HDAC9: variants seen among roughly 807,000 people sequenced by gnomAD.
The protein encoded by HDAC9 is histone deacetylase 9.
In HDAC9, 41 loss-of-function variants were observed where a neutral mutation model predicts 139.4. The ratio of observed to expected loss-of-function variants is 0.29; its 90% CI spans 0.23 to 0.38. HDAC9 has a LOEUF of 0.38. Ranked by LOEUF, HDAC9 falls within the 10% of genes least tolerant of loss-of-function variation. HDAC9 has a pLI of 1.00. For synonymous variants in HDAC9, 517 were observed against 476.2 expected (o/e 1.09, Z -1.12); for missense variants, 1,147 against 1,297.0 (o/e 0.88, Z 1.78).
chr7:18,374,684 A>T (rs1196949769), intron 1 of HDAC9, among the ~76,000 whole-genome samples: 1 of 152,170 alleles, frequency 6.6e-6, no homozygotes, highest in Admixed American at 6.5e-5. Context: ...AAACATTGTT[A>T]TGCTGGGTGT....
chr7:18,476,389 A>T (rs1289779562), intron 1 of HDAC9, among the ~76,000 whole-genome samples: 1 of 152,088 alleles, frequency 6.6e-6, no homozygotes, highest in African/African-American at 2.4e-5. Context: ...AAGAAACCAG[A>T]TTATAATTAG....
intron 2 of HDAC9, among the ~76,000 whole-genome samples, chr7:18,556,233 GAT>G (rs1818756345): frequency 6.6e-6 from 1 of 152,010 alleles, no homozygotes; most frequent in South Asian, 2.1e-4. Flanking sequence ...TTTATGTAAA[GAT>G]AGGGTAAGAT....
chr7:18,769,415 G>C (rs1055257602), intron 16 of HDAC9, among the ~76,000 whole-genome samples: 2 of 152,112 alleles, frequency 1.3e-5, no homozygotes, highest in South Asian at 2.1e-4. Context: ...TCACCTGGAT[G>C]GTGGCAGCAG....
chr7:18,691,227 T>C (rs1782650389), intron 12 of HDAC9, among the ~76,000 whole-genome samples: 3 of 152,018 alleles, frequency 2.0e-5, no homozygotes, highest in Non-Finnish European at 1.5e-5. Flanking sequence ...CTCAAGTTTA[T>C]GTTCTGCATA....
intron 12 of HDAC9, among the ~76,000 whole-genome samples, chr7:18,708,080 C>T (rs1008564658): frequency 6.6e-6 from 1 of 152,118 alleles, no homozygotes; most frequent in Non-Finnish European, 1.5e-5. Context: ...AGAGGAGAGA[C>T]ATCGCTTCAA....
chr7:18,222,786 C>T (rs1230079095), intron 2 of HDAC9, among the ~76,000 whole-genome samples: 5 of 152,032 alleles, frequency 3.3e-5, no homozygotes, highest in African/African-American at 1.2e-4. Context: ...AGTTCTGTTT[C>T]TTAGATTGTT....
At chr7:18,857,021 C>T (rs575225864) in intron 21 of HDAC9, among the ~76,000 whole-genome samples, 18 of 152,112 alleles carry the variant, frequency 1.2e-4, no homozygotes, top group Admixed American at 1.1e-3. Context: ...CTTTTTCTTT[C>T]TCCGATTTCT....
At chr7:18,411,732 A>T (rs1168940879) in intron 1 of HDAC9, among the ~76,000 whole-genome samples, 1 of 151,268 alleles carries the variant, frequency 6.6e-6, no homozygotes, top group East Asian at 2.0e-4. Flanking sequence ...AGGCTAATGT[A>T]AGTTTTCTGA....
intron 22 of HDAC9, among the ~76,000 whole-genome samples, chr7:18,918,863 G>A (rs1803440951): frequency 6.6e-6 from 1 of 151,972 alleles, no homozygotes; most frequent in African/African-American, 2.4e-5. Context: ...AATCCTAGGG[G>A]CCTGAACAAT....
intron 17 of HDAC9, among the ~76,000 whole-genome samples, chr7:18,799,267 T>C (rs182421887): frequency 2.6e-5 from 4 of 152,264 alleles, no homozygotes; most frequent in Admixed American, 2.6e-4. Flanking sequence ...AAAATGACGA[T>C]AACAAAAAGG....
intron 6 of HDAC9, among the ~76,000 whole-genome samples, chr7:18,614,370 T>C (rs529854280): frequency 2.0e-5 from 3 of 152,280 alleles, no homozygotes; most frequent in Admixed American, 2.0e-4. Flanking sequence ...CATGCAAGCT[T>C]GACTTTTGGG....
chr7:18,390,459 C>A (rs182194440), intron 1 of HDAC9, among the ~76,000 whole-genome samples: 5 of 152,212 alleles, frequency 3.3e-5, no homozygotes, highest in Admixed American at 3.3e-4. Flanking sequence ...ATTCTTAGTT[C>A]CTGTTTTTCC....
chr7:18,426,380 G>T (rs1032725286), intron 1 of HDAC9, among the ~76,000 whole-genome samples: 1 of 152,170 alleles, frequency 6.6e-6, no homozygotes. Flanking sequence ...TAGAAGCAAA[G>T]AACCTGAATA....
rs764910324 is a variant in HDAC9, at chr7:18,727,661, A to C, written c.1813A>C (p.Lys605Gln). The change falls in exon 13 of 26, where the codon AAA becomes CAA. Residue 605 changes from lysine (K) to glutamine (Q), a missense_variant. Around this residue, in one of 7 missense-constraint regions of HDAC9, gnomAD observed 256 missense variants for 219.2 expected, o/e 1.17. Coordinates refer to ENST00000686413, the MANE Select transcript of HDAC9 (RefSeq NM_178425.4). ...LAAVGMDGLE[K>Q]HRLVSRTHSS... is the part of the protein sequence containing the mutation. The stretch of plus-strand genomic sequence containing the variant: ...TGCGGTTGGCATGGATGGATTAGAG[A>C]AACACCGTCTCGTCTCCAGGACTCA... The C allele has an allele frequency of 1.3e-6, 2 of 1,593,538 alleles. No homozygotes were observed. Among genetic ancestry groups the C allele is most frequent in the East Asian group, 4.6e-5 (2 of 43,502 alleles).
intron 1 of HDAC9, among the ~76,000 whole-genome samples, chr7:18,390,760 T>G (rs906930416): frequency 2.0e-5 from 3 of 152,218 alleles, no homozygotes; most frequent in African/African-American, 7.2e-5. Flanking sequence ...CCAGCTTCTC[T>G]GTGAAACAAT....
intron 2 of HDAC9, among the ~76,000 whole-genome samples, chr7:18,506,723 T>A (rs1481686494): frequency 6.6e-6 from 1 of 152,178 alleles, no homozygotes; most frequent in Non-Finnish European, 1.5e-5. Flanking sequence ...ATAACACCAA[T>A]GCTCCTAGCT....
At chr7:18,462,513 G>A (rs765476717) in intron 1 of HDAC9, among the ~76,000 whole-genome samples, 4 of 151,892 alleles carry the variant, frequency 2.6e-5, no homozygotes, top group Non-Finnish European at 4.4e-5. Flanking sequence ...TAGCAAGCAA[G>A]CCCCCAACCC....
At chr7:18,738,490 A>G (rs1178148) in intron 13 of HDAC9, among the ~76,000 whole-genome samples, 1 of 152,154 alleles carries the variant, frequency 6.6e-6, no homozygotes, top group Non-Finnish European at 1.5e-5. Flanking sequence ...GCTTATGTAT[A>G]ATGGATTTTA....
chr7:18,818,198 G>A lies in HDAC9; in HGVS notation c.2323-10963G>A, dbSNP rs189185895. Among the ~76,000 whole-genome samples the A allele has an allele frequency of 1.2e-4, 18 of 152,094 alleles. No individual in the cohort carries two copies. In the East Asian group the frequency reaches 2.3e-3, roughly 20 times the overall value. Reference sequence around the variant, plus strand: ...TATTTTACTGAGCATTGATACTTTCGGACATTTAGAAGTACCTTAGTGCTG... The same window carrying A: ...TATTTTACTGAGCATTGATACTTTCAGACATTTAGAAGTACCTTAGTGCTG... On this transcript the variant is annotated intron_variant, in intron 17 of 25. Transcript: ENST00000686413.
Sources: gnomAD v4.1 joint callset for allele counts (sites outside exome capture counted in the v4.1 genomes callset) on GRCh38, gnomAD v4.1.1 for gene constraint, gnomAD v4.1.1 regional missense constraint, MANE v1.5 for transcripts, NCBI Gene and HGNC (gene_info 2026-07-23, HGNC 2026-07-21) for gene names.